Variants in PCDH9 observed in about 807,000 individuals in gnomAD.
The protein encoded by PCDH9 is protocadherin-9.
In PCDH9, 24 loss-of-function variants were observed where a neutral mutation model predicts 70.6. The observed-to-expected ratio is 0.34, with a 90% CI of 0.25 to 0.48. PCDH9 has a LOEUF of 0.48. PCDH9 is among the 20% of genes least tolerant of loss of function. PCDH9 has a pLI of 0.99. For synonymous variants in PCDH9, 562 were observed against 558.5 expected, an observed-to-expected ratio of 1.01 and a Z score of -0.09; for missense variants, 1,281 against 1,503.6, an observed-to-expected ratio of 0.85 and a Z score of 2.45.
intron 4 of PCDH9, among the ~76,000 whole-genome samples, chr13:66,591,344 A>T (rs2077036806): frequency 6.6e-6 from 1 of 151,664 alleles, no homozygotes; most frequent in South Asian, 2.1e-4. Context: ...TATATTTCTC[A>T]TTCAAATCTG....
At chr13:66,519,251 TA>T (rs1044323360) in intron 4 of PCDH9, among the ~76,000 whole-genome samples, 9 of 151,852 alleles carry the variant, frequency 5.9e-5, no homozygotes, top group East Asian at 1.9e-4. Context: ...AAAAATCCTT[TA>T]AAAAAAACCA....
intron 3 of PCDH9, among the ~76,000 whole-genome samples, chr13:66,760,508 C>T (rs2079607611): frequency 6.6e-6 from 1 of 152,154 alleles, no homozygotes; most frequent in Non-Finnish European, 1.5e-5. Context: ...TTACTTTAAT[C>T]TCTTAATCCC....
chr13:66,657,270 T>C (rs1174420297), intron 3 of PCDH9, among the ~76,000 whole-genome samples: 1 of 152,210 alleles, frequency 6.6e-6, no homozygotes, highest in African/African-American at 2.4e-5. Context: ...TCTCTCCTAC[T>C]GTAAACATGT....
At chr13:66,603,132 T>A (rs2077182869) in intron 4 of PCDH9, among the ~76,000 whole-genome samples, 1 of 145,930 alleles carries the variant, frequency 6.9e-6, no homozygotes, top group Non-Finnish European at 1.5e-5. Flanking sequence ...TGGAGCATAT[T>A]CAAGAAAGTA....
chr13:66,535,263 C>T (rs1778170920), intron 4 of PCDH9, among the ~76,000 whole-genome samples: 2 of 151,522 alleles, frequency 1.3e-5, no homozygotes, highest in African/African-American at 4.8e-5. Context: ...CTGAGTATTC[C>T]CATTTCTTTT....
chr13:66,330,177 T>C (rs138317947), intron 4 of PCDH9, among the ~76,000 whole-genome samples: 1,578 of 152,374 alleles, frequency 0.01, 17 homozygotes, highest in Non-Finnish European at 0.012. Flanking sequence ...AGTACTTATT[T>C]TGATAGTCTC....
chr13:66,560,918 C>G (rs9540819), intron 4 of PCDH9, among the ~76,000 whole-genome samples: 62 of 152,332 alleles, frequency 4.1e-4, no homozygotes, highest in Non-Finnish European at 7.9e-4. Context: ...CCTCACAGCC[C>G]TGGCTCCCTC....
At chr13:67,215,379 A>T (rs2182229) in intron 2 of PCDH9, 11 of 151,820 alleles carry the variant, frequency 7.2e-5, no homozygotes, top group South Asian at 2.1e-4. Flanking sequence ...AAGTCTATTA[A>T]GAAAACTTTA....
intron 2 of PCDH9, among the ~76,000 whole-genome samples, chr13:67,005,989 G>C (rs898769263): frequency 6.1e-4 from 93 of 152,264 alleles, no homozygotes; most frequent in Admixed American, 3.2e-3. Context: ...CACTTTGGGA[G>C]GCCAAGGCGG....
chr13:66,978,448 T>C (rs2139763434), intron 2 of PCDH9: 1 of 152,144 alleles, frequency 6.6e-6, no homozygotes, highest in South Asian at 2.1e-4. Flanking sequence ...TTCCTTAGTA[T>C]GCTATTTTAC....
At chr13:66,940,867 T>C (rs951808191) in intron 2 of PCDH9, among the ~76,000 whole-genome samples, 13 of 151,984 alleles carry the variant, frequency 8.6e-5, no homozygotes, top group African/African-American at 3.1e-4. Context: ...AAGGTAAAAA[T>C]ATTATCTGCT....
At chr13:66,958,254 T>C (rs2083293594) in intron 2 of PCDH9, among the ~76,000 whole-genome samples, 1 of 152,174 alleles carries the variant, frequency 6.6e-6, no homozygotes. Flanking sequence ...AGTATTACAA[T>C]TGGAGTGTTT....
Position 67,052,503 on chromosome 13 carries a change from T to C in PCDH9, c.3037-148898A>G, listed in dbSNP as rs146974365. ...GGCTAAGTGAAAAATCCACGGGAAG[T>C]TTTACTTGGAAGGATCCTATTTGCA... On this transcript the variant is annotated intron_variant, in intron 2 of 4. Coordinates refer to ENST00000377865, the MANE Select transcript of PCDH9 (RefSeq NM_203487.3). Among the ~76,000 whole-genome samples the C allele has an allele frequency of 9.9e-5, 15 of 151,636 alleles. No homozygotes were observed. The East Asian group carries it at 2.9e-3, about 30-fold the overall frequency.
intron 4 of PCDH9, among the ~76,000 whole-genome samples, chr13:66,410,590 G>A (rs1344068172): frequency 6.6e-6 from 1 of 152,188 alleles, no homozygotes; most frequent in Non-Finnish European, 1.5e-5. Context: ...TCCAGCCATT[G>A]CAGTCTTACC....
At chr13:67,150,986 G>C (rs2087644702) in intron 2 of PCDH9, among the ~76,000 whole-genome samples, 1 of 152,112 alleles carries the variant, frequency 6.6e-6, no homozygotes, top group Admixed American at 6.6e-5. Context: ...GTAAACCTTA[G>C]TTTAGTCTTA....
chr13:66,525,816 C>G (rs1960193428), intron 4 of PCDH9, among the ~76,000 whole-genome samples: 1 of 152,122 alleles, frequency 6.6e-6, no homozygotes, highest in Non-Finnish European at 1.5e-5. Context: ...TCATCTCTTT[C>G]AAATCCCCCA....
At chr13:66,507,779 T>C (rs1175485179) in intron 4 of PCDH9, among the ~76,000 whole-genome samples, 2 of 152,170 alleles carry the variant, frequency 1.3e-5, no homozygotes, top group Non-Finnish European at 2.9e-5. Flanking sequence ...TGGAGTTCAG[T>C]GGTGCGATAT....
Position 66,566,010 on chromosome 13 carries a change from G to A in PCDH9, c.3340+65200C>T, listed in dbSNP as rs2076647283. On this transcript the variant is annotated intron_variant, in intron 4 of 4. Transcript: ENST00000377865. Reference sequence around the variant, plus strand: ...GTTTGTTTTTCTCCAGCAAGGAGGAGGGAGTGAGGATAGCAGATAAGGGAA... The same window carrying A: ...GTTTGTTTTTCTCCAGCAAGGAGGAAGGAGTGAGGATAGCAGATAAGGGAA... Among the ~76,000 whole-genome samples, 3 of 152,170 alleles carry A rather than the reference G, an allele frequency of 2.0e-5. 1 individual carries two copies. In the South Asian group the frequency reaches 6.2e-4, roughly 32 times the overall value.
chr13:66,768,032 C>A (rs2079746403), intron 3 of PCDH9, among the ~76,000 whole-genome samples: 1 of 152,042 alleles, frequency 6.6e-6, no homozygotes, highest in Non-Finnish European at 1.5e-5. Context: ...ATTGAGCAAG[C>A]TCTAGAGTCA....
Sources: gnomAD v4.1 joint callset for allele counts (sites outside exome capture counted in the v4.1 genomes callset) on GRCh38, gnomAD v4.1.1 for gene constraint, MANE v1.5 for transcripts, NCBI Gene and HGNC (gene_info 2026-07-23, HGNC 2026-07-21) for gene names.